CNTN5: variants seen among roughly 807,000 people sequenced by gnomAD.
CNTN5 encodes the protein contactin-5.
In CNTN5, 77 loss-of-function variants were observed where a neutral mutation model predicts 129.1. The observed-to-expected ratio is 0.60, with a 90% CI of 0.50 to 0.72. The LOEUF is 0.72. Ranked by LOEUF, CNTN5 falls within the 30% of genes least tolerant of loss-of-function variation. CNTN5 has a pLI of 0.00. For missense variants in CNTN5, 1,478 were observed against 1,328.8 expected (o/e 1.11, Z -1.75); for synonymous variants, 509 against 465.6 (o/e 1.09, Z -1.20).
chr11:99,822,575 G>C (rs1422770412), intron 4 of CNTN5, among the ~76,000 whole-genome samples: 1 of 152,144 alleles, frequency 6.6e-6, no homozygotes, highest in African/African-American at 2.4e-5. Context: ...ATGAACTTGA[G>C]ATAGCAGGTT....
chr11:99,094,639 A>G (rs1199002601), intron 1 of CNTN5, among the ~76,000 whole-genome samples: 2 of 152,002 alleles, frequency 1.3e-5, no homozygotes, highest in Non-Finnish European at 2.9e-5. Flanking sequence ...AGGAAGAACA[A>G]TAGTGACAGT....
rs1237525308 is a variant in CNTN5, at chr11:99,201,494, G to A, written c.-209-123852G>A. ...GTTCTTTCTTCTATTGTGATAGGCA[G>A]AACCCACATCTTAATCCTCAGAACA... On this transcript the variant is annotated intron_variant, in intron 1 of 24. Coordinates refer to ENST00000524871, the MANE Select transcript of CNTN5 (RefSeq NM_014361.4). Among the ~76,000 whole-genome samples the A allele has an allele frequency of 2.7e-5, 4 of 150,448 alleles. 1 individual carries two copies. The highest frequency in any genetic ancestry group is 6.6e-5 in the Admixed American group (1 of 15,068).
chr11:99,336,870 A>C (rs544898036), intron 2 of CNTN5, among the ~76,000 whole-genome samples: 2 of 152,240 alleles, frequency 1.3e-5, no homozygotes, highest in South Asian at 2.1e-4. Flanking sequence ...AATGTTTACT[A>C]AACAGTAGAT....
At chr11:100,015,199 A>G (rs1005376788) in intron 9 of CNTN5, among the ~76,000 whole-genome samples, 3 of 152,148 alleles carry the variant, frequency 2.0e-5, no homozygotes, top group Non-Finnish European at 4.4e-5. Context: ...GAGACTAAAC[A>G]TGTCTAGGCA....
At chr11:100,092,730 GC>G (rs1944838592) in intron 13 of CNTN5, among the ~76,000 whole-genome samples, 1 of 152,058 alleles carries the variant, frequency 6.6e-6, no homozygotes, top group Admixed American at 6.6e-5. Flanking sequence ...TGAGATCAAT[GC>G]TTAAAATTTT....
At chr11:99,027,569 C>G (rs116643630) in intron 1 of CNTN5, among the ~76,000 whole-genome samples, 1 of 151,618 alleles carries the variant, frequency 6.6e-6, no homozygotes, top group African/African-American at 2.4e-5. Context: ...AGTATTTAAT[C>G]GTCATTGTAT....
intron 2 of CNTN5, among the ~76,000 whole-genome samples, chr11:99,372,063 T>C (rs10893225): frequency 0.49 from 75,217 of 152,032 alleles, 18,788 homozygotes; most frequent in African/African-American, 0.56. Flanking sequence ...TACATTTCTA[T>C]TTATTGTTAT....
chr11:99,433,196 T>C (rs1055301030), intron 2 of CNTN5, among the ~76,000 whole-genome samples: 16 of 151,932 alleles, frequency 1.1e-4, no homozygotes, highest in Non-Finnish European at 2.4e-4. Flanking sequence ...TGCTTGAGAG[T>C]ACAGCAGAGA....
chr11:99,129,698 AAGGGCAGTCAGAGAGAAAGGC>A (rs1858833949), intron 1 of CNTN5, among the ~76,000 whole-genome samples: 4 of 152,290 alleles, frequency 2.6e-5, no homozygotes, highest in African/African-American at 9.6e-5. Flanking sequence ...AAAAAATGTT[AAGGGCAGTCAGAGAGAAAGGC>A]CAGGTAACCT....
intron 6 of CNTN5, among the ~76,000 whole-genome samples, chr11:99,880,292 G>C (rs1315219867): frequency 6.6e-6 from 1 of 152,106 alleles, no homozygotes; most frequent in East Asian, 1.9e-4. Context: ...GTAATTCACA[G>C]AGTGGTACAT....
At chr11:99,807,372 T>A (rs2135504005) in intron 3 of CNTN5, among the ~76,000 whole-genome samples, 1 of 152,306 alleles carries the variant, frequency 6.6e-6, no homozygotes, top group Non-Finnish European at 1.5e-5. Flanking sequence ...TACAGGGGTA[T>A]TCCTGTTTGG....
At chr11:99,562,829 G>A (rs1235551527) in intron 3 of CNTN5, among the ~76,000 whole-genome samples, 3 of 152,054 alleles carry the variant, frequency 2.0e-5, no homozygotes, top group African/African-American at 4.8e-5. Context: ...TTTAAAGCTG[G>A]GAAATACTGA....
intron 7 of CNTN5, among the ~76,000 whole-genome samples, chr11:99,937,420 T>G (rs1950339072): frequency 6.6e-6 from 1 of 152,216 alleles, no homozygotes. Flanking sequence ...GGAACCGTTC[T>G]TCCCCTCAGG....
At chr11:99,081,257 G>A (rs1159902104) in intron 1 of CNTN5, among the ~76,000 whole-genome samples, 2 of 152,084 alleles carry the variant, frequency 1.3e-5, no homozygotes, top group East Asian at 1.9e-4. Flanking sequence ...TCTTCGATAT[G>A]TTTAGTGCTT....
chr11:99,465,496 T>G (rs1032806008), intron 2 of CNTN5, among the ~76,000 whole-genome samples: 1 of 151,994 alleles, frequency 6.6e-6, no homozygotes, highest in Admixed American at 6.5e-5. Context: ...TATTATAACA[T>G]CATTTCTAGA....
intron 2 of CNTN5, among the ~76,000 whole-genome samples, chr11:99,489,679 T>C (rs1323122657): frequency 6.6e-6 from 1 of 152,198 alleles, no homozygotes; most frequent in Non-Finnish European, 1.5e-5. Context: ...TTATGAATTG[T>C]GAAGCAAGAT....
intron 3 of CNTN5, among the ~76,000 whole-genome samples, chr11:99,723,431 T>C (rs7935705): frequency 0.18 from 26,782 of 152,050 alleles, 2,377 homozygotes; most frequent in East Asian, 0.2. Flanking sequence ...TATATGATCA[T>C]TTAATGCCTT....
At chr11:99,387,050 A>G (rs1181584469) in intron 2 of CNTN5, among the ~76,000 whole-genome samples, 1 of 152,120 alleles carries the variant, frequency 6.6e-6, no homozygotes, top group Non-Finnish European at 1.5e-5. Flanking sequence ...AATTTTTCCA[A>G]TTAGATATAT....
At chr11:100,143,445 A>T (rs936757824) in intron 13 of CNTN5, among the ~76,000 whole-genome samples, 2 of 152,002 alleles carry the variant, frequency 1.3e-5, no homozygotes, top group Non-Finnish European at 2.9e-5. Flanking sequence ...GAAAAATGAG[A>T]CTCGCTGGGC....
Sources: allele counts gnomAD v4.1 joint callset (sites outside exome capture counted in the v4.1 genomes callset), GRCh38; gene constraint gnomAD v4.1.1; transcripts MANE v1.5; gene names NCBI Gene and HGNC (gene_info 2026-07-23, HGNC 2026-07-21).